DENND11: variants seen among roughly 807,000 people sequenced by gnomAD.
DENND11 encodes DENN domain containing 11.
A neutral mutation model predicts 49.2 loss-of-function variants in DENND11; 34 were observed. The observed-to-expected ratio is 0.69, with a 90% confidence interval of 0.53 to 0.92. DENND11 has a LOEUF of 0.92. DENND11 is among the 40% of genes least tolerant of loss of function. DENND11 has a pLI of 0.00. For synonymous variants in DENND11, 238 were observed against 230.3 expected, an observed-to-expected ratio of 1.03 and a Z score of -0.30; for missense variants, 475 against 581.6, an observed-to-expected ratio of 0.82 and a Z score of 1.88.
intron 1 of DENND11, among the ~76,000 whole-genome samples, chr7:141,697,690 G>A (rs1183841373): frequency 6.6e-6 from 1 of 152,076 alleles, no homozygotes; most frequent in Non-Finnish European, 1.5e-5. Context: ...GCTCCAAGTG[G>A]TGCCTCAGAC....
At chr7:141,680,901 A>G (rs980733886) in intron 3 of DENND11, among the ~76,000 whole-genome samples, 2 of 152,124 alleles carry the variant, frequency 1.3e-5, no homozygotes, top group South Asian at 2.1e-4. Context: ...CTGTAATTCT[A>G]TCTTACTGTG....
At chr7:141,669,642 A>G (rs1395695611) in intron 4 of DENND11, among the ~76,000 whole-genome samples, 1 of 152,034 alleles carries the variant, frequency 6.6e-6, no homozygotes. Flanking sequence ...TTATATTTCA[A>G]TAAAAAGCTT....
chr7:141,664,298 G>T (rs1797851740), intron 7 of DENND11, 58 bp from the exon 8 acceptor site: 8 of 1,389,578 alleles, frequency 5.8e-6, no homozygotes, highest in East Asian at 2.5e-5. Flanking sequence ...AGTCACAGGT[G>T]AGGCCTCAGC....
chr7:141,694,473 C>G (rs1338558331), intron 1 of DENND11, among the ~76,000 whole-genome samples: 1 of 152,096 alleles, frequency 6.6e-6, no homozygotes, highest in East Asian at 1.9e-4. Flanking sequence ...GTTGCCCAGG[C>G]TGGTCTTGAA....
chr7:141,662,567 A>T lies in DENND11; in HGVS notation c.*89T>A. The stretch of plus-strand genomic sequence containing the variant: ...AAACAATATTCCTTTGTGTCAACTT[A>T]ATAAAAAATGAGGCCCTCTGGGGCC... On this transcript the variant is annotated 3_prime_UTR_variant, in exon 9 of 9. Coordinates refer to ENST00000536163, the MANE Select transcript of DENND11 (RefSeq NM_001080392.2). The T allele has an allele frequency of 2.3e-6, 2 of 853,268 alleles. No individual in the cohort carries two copies. The highest frequency in any genetic ancestry group is 3.4e-6 in the Non-Finnish European group (2 of 588,912). The allele number at this position is 853,268 out of a possible 1,614,324, so 52.9% of individuals were successfully genotyped here. A position where few individuals can be genotyped will look rare whatever the true frequency, so the allele number is the denominator to read the frequency against.
rs75500043 is a variant in DENND11, at chr7:141,686,493, A to T, written c.368+66T>A. The stretch of plus-strand genomic sequence containing the variant: ...GAAGACCTCCTAATAAGAGCCCTTC[A>T]GCTTTGGGGAAAGTGTGGAGGTGGG... On this transcript the variant is annotated intron_variant, in intron 2 of 8. Coordinates refer to ENST00000536163, the MANE Select transcript of DENND11 (RefSeq NM_001080392.2). 1,049 of 1,004,076 alleles carry T rather than the reference A, an allele frequency of 1.0e-3. 5 individuals are homozygous for T. In the African/African-American group the frequency reaches 0.014, roughly 14 times the overall value. 62.2% of individuals were successfully genotyped at this position (1,004,076 alleles called of 1,614,324 possible).
At chr7:141,694,740 G>A (rs1341766594) in intron 1 of DENND11, among the ~76,000 whole-genome samples, 1 of 149,340 alleles carries the variant, frequency 6.7e-6, no homozygotes, top group Non-Finnish European at 1.5e-5. Context: ...ATTTGCTTAT[G>A]TGTGATTTCA....
At chr7:141,696,482 A>G (rs1415011311) in intron 1 of DENND11, among the ~76,000 whole-genome samples, 1 of 152,170 alleles carries the variant, frequency 6.6e-6, no homozygotes, top group African/African-American at 2.4e-5. Flanking sequence ...CCTCTGTTAG[A>G]TGGTTCCCAA....
Position 141,679,265 on chromosome 7 carries a change from A to G in DENND11, c.528-5045T>C, listed in dbSNP as rs552037884. 7.2e-5 allele frequency among the ~76,000 whole-genome samples: 11 copies of G among 152,350 alleles called. No individual in the cohort carries two copies. The South Asian group carries it at 2.3e-3, about 32-fold the overall frequency. ...CAAAACCTTTCTAGCTATGACTCAA[A>G]ATCTAGAAGCCATAAAAAGATGCAT... On this transcript the variant is annotated intron_variant, in intron 3 of 8. Transcript: ENST00000536163.
chr7:141,701,518 C>T (rs906981165), intron 1 of DENND11: 2 of 154,078 alleles, frequency 1.3e-5, no homozygotes, highest in African/African-American at 4.8e-5. Context: ...TCTTCTAGCC[C>T]CCAAGAAAAG....
chr7:141,666,440 G>C lies in DENND11; in HGVS notation c.682-15C>G. 6.4e-7 allele frequency: 1 copy of C among 1,565,894 alleles called. No individual in the cohort carries two copies. The highest frequency in any genetic ancestry group is 1.4e-5 in the African/African-American group (1 of 74,062). ...GGGTGTGTGATCTGAAAAAATTGAG[G>C]GGAATAGGGAGGAGAAAGAGTGAGG... On this transcript the variant is annotated splice_polypyrimidine_tract_variant and intron_variant, in intron 4 of 8. Coordinates refer to ENST00000536163, the MANE Select transcript of DENND11 (RefSeq NM_001080392.2).
chr7:141,692,128 C>T (rs1311051669), intron 1 of DENND11, among the ~76,000 whole-genome samples: 1 of 152,182 alleles, frequency 6.6e-6, no homozygotes, highest in East Asian at 1.9e-4. Context: ...TGTATATAGT[C>T]AGTTCTACTT....
Position 141,701,872 on chromosome 7 carries a change from G to T in DENND11, c.268+14C>A. 8.5e-7 allele frequency: 1 copy of T among 1,180,418 alleles called. No individual in the cohort carries two copies. The highest frequency in any genetic ancestry group is 1.0e-6 in the Non-Finnish European group (1 of 955,242). The allele number at this position is 1,180,418 out of a possible 1,614,324, so 73.1% of individuals were successfully genotyped here. On this transcript the variant is annotated intron_variant, in intron 1 of 8. Coordinates refer to ENST00000536163, the MANE Select transcript of DENND11 (RefSeq NM_001080392.2). The stretch of plus-strand genomic sequence containing the variant: ...CGACCCTCCCCACGCGCCTGGCCCC[G>T]GCGCGGCCCTCACCCGAGCGGGGGT...
At position 141,660,608 on chromosome 7, in the gene DENND11, CCT is replaced by C. The variant is rs1797774148; in HGVS notation, c.*2046_*2047del. The C allele has an allele frequency of 6.6e-6, 1 of 152,220 alleles. No homozygotes were observed. The highest frequency in any genetic ancestry group is 2.4e-5 in the African/African-American group (1 of 41,458). 9.4% of individuals were successfully genotyped at this position (152,220 alleles called of 1,614,324 possible). ...TCAAACAGCTCCTTCCGGCAGATTC[CCT>C]AATTCCAGAAAAAGGAGGTCTTCTT... On this transcript the variant is annotated 3_prime_UTR_variant, in exon 9 of 9. Coordinates refer to ENST00000536163, the MANE Select transcript of DENND11 (RefSeq NM_001080392.2).
At chr7:141,700,898 C>T (rs927455265) in intron 1 of DENND11, among the ~76,000 whole-genome samples, 3 of 152,118 alleles carry the variant, frequency 2.0e-5, no homozygotes, top group African/African-American at 7.2e-5. Context: ...TTTTCCCGCA[C>T]GAACAGGCAC....
intron 4 of DENND11, among the ~76,000 whole-genome samples, chr7:141,669,017 T>TGATAGAC (rs1797936485): frequency 6.6e-6 from 1 of 152,196 alleles, no homozygotes; most frequent in Admixed American, 6.5e-5. Flanking sequence ...TAGCAGGCTC[T>TGATAGAC]GATAGACCCA....
chr7:141,679,518 C>T (rs545117653), intron 3 of DENND11, among the ~76,000 whole-genome samples: 5 of 152,054 alleles, frequency 3.3e-5, no homozygotes, highest in African/African-American at 1.2e-4. Context: ...TTAGAGACCA[C>T]TCTGACCAAC....
chr7:141,662,570 A>T lies in DENND11; in HGVS notation c.*86T>A. On this transcript the variant is annotated 3_prime_UTR_variant, in exon 9 of 9. Transcript: ENST00000536163. ...CAATATTCCTTTGTGTCAACTTAAT[A>T]AAAAATGAGGCCCTCTGGGGCCCTG... 1.1e-6 allele frequency: 1 copy of T among 916,642 alleles called. No individual in the cohort carries two copies. Among genetic ancestry groups the T allele is most frequent in the Non-Finnish European group, 1.5e-6 (1 of 645,402 alleles). 56.8% of individuals were successfully genotyped at this position (916,642 alleles called of 1,614,324 possible). A position where few individuals can be genotyped will look rare whatever the true frequency, so the allele number is the denominator to read the frequency against.
chr7:141,698,111 C>A (rs1454199088), intron 1 of DENND11, among the ~76,000 whole-genome samples: 1 of 152,166 alleles, frequency 6.6e-6, no homozygotes, highest in Non-Finnish European at 1.5e-5. Flanking sequence ...AAGAAACAGT[C>A]TAATGAGGCA....
Sources: allele counts gnomAD v4.1 joint callset (sites outside exome capture counted in the v4.1 genomes callset), GRCh38; gene constraint gnomAD v4.1.1; transcripts MANE v1.5; gene names NCBI Gene and HGNC (gene_info 2026-07-23, HGNC 2026-07-21).